Variants in CCDC194 observed in about 807,000 individuals in gnomAD.
CCDC194 encodes the protein coiled-coil domain containing 194.
Under a neutral mutation model 4.9 loss-of-function variants are expected in CCDC194, and 8 were observed. The ratio of observed to expected loss-of-function variants is 1.65; its 90% confidence interval spans 0.97 to 2.97. The LOEUF (loss-of-function observed/expected upper bound fraction) is 2.97, where lower values mean the gene tolerates loss of function less well. CCDC194 is among the 30% of genes most tolerant of loss of function. CCDC194 has a pLI of 0.00. For missense variants in CCDC194, 52 were observed against 43.1 expected, an observed-to-expected ratio of 1.21 and a Z score of -0.58; for synonymous variants, 13 against 17.0, an observed-to-expected ratio of 0.76 and a Z score of 0.58.
chr19:17,390,467 T>A (rs2074649920), downstream of CCDC194: 1 of 389,776 alleles, frequency 2.6e-6, no homozygotes, highest in Admixed American at 4.5e-5. The surrounding 1 kb of genome is among the most constrained non-coding windows in gnomAD (Gnocchi z 5.5). Flanking sequence ...CCCCCCCATA[T>A]GTGTCCTCCA....
intron 1 of CCDC194, among the ~76,000 whole-genome samples, chr19:17,392,624 G>A (rs538224108): frequency 6.6e-6 from 1 of 152,338 alleles, no homozygotes; most frequent in East Asian, 1.9e-4. Context: ...CAGCAAGGGG[G>A]CAGAGCCAGA....
rs2074650215 is a variant in CCDC194, at chr19:17,390,530, C to A, written c.684G>T (p.Pro228=). ...CGACTCACCCTCGTGCGCGCCGCGCCGGCCGCCGGCAGCCCCCGGAGGGTC... is the reference window on the plus strand; with the variant it reads ...CGACTCACCCTCGTGCGCGCCGCGCAGGCCGCCGGCAGCCCCCGGAGGGTC... Residue 228 remains proline, a synonymous_variant, in exon 4 of 4, where the codon CCG becomes CCT. Transcript: ENST00000636079. The surrounding 1 kb of genome is among the most constrained non-coding windows in gnomAD (Gnocchi z 5.5). 1 of 394,654 alleles carries A rather than the reference C, an allele frequency of 2.5e-6. No homozygotes were observed. Among genetic ancestry groups the A allele is most frequent in the Non-Finnish European group, 4.5e-6 (1 of 223,438 alleles). 24.4% of individuals were successfully genotyped at this position (394,654 alleles called of 1,614,324 possible). A position where few individuals can be genotyped will look rare whatever the true frequency, so the allele number is the denominator to read the frequency against.
chr19:17,392,550 T>A (rs2074658758), intron 1 of CCDC194, among the ~76,000 whole-genome samples: 5 of 152,192 alleles, frequency 3.3e-5, no homozygotes, highest in Admixed American at 3.3e-4. Flanking sequence ...TTTTGGGGTA[T>A]GTGTCGGTTG....
chr19:17,391,602 G>A, intron 2 of CCDC194, 148 bp downstream of exon 2: 1 of 1,516,022 alleles, frequency 6.6e-7, no homozygotes, highest in Non-Finnish European at 8.8e-7. Context: ...CATGGCCTCT[G>A]CATGTTGTTT....
intron 3 of CCDC194, 110 bp downstream of exon 3, chr19:17,391,101 C>G (rs949378931): frequency 1.8e-5 from 6 of 340,384 alleles, no homozygotes; most frequent in Non-Finnish European, 2.6e-5. Context: ...CCCCCCACCA[C>G]AATTCCACGC....
downstream of CCDC194, among the ~76,000 whole-genome samples, chr19:17,389,335 C>G (rs181621410): frequency 6.6e-6 from 1 of 152,130 alleles, no homozygotes; most frequent in African/African-American, 2.4e-5. Context: ...AACAAGAAAA[C>G]CCACTAATAC....
intron 1 of CCDC194, among the ~76,000 whole-genome samples, chr19:17,393,544 A>G (rs1362543206): frequency 6.6e-6 from 1 of 151,948 alleles, no homozygotes; most frequent in African/African-American, 2.4e-5. Context: ...GTTCACCATC[A>G]CGCCAGGCTA....
At chr19:17,391,263 C>T (rs1296254417) in exon 3 of CCDC194, 2 of 409,414 alleles carry the variant, frequency 4.9e-6, no homozygotes, top group Non-Finnish European at 8.6e-6. Flanking sequence ...CCCTCGGCCT[C>T]CGCCACGCCT....
chr19:17,392,569 G>A (rs1223869425), intron 1 of CCDC194, among the ~76,000 whole-genome samples: 1 of 152,202 alleles, frequency 6.6e-6, no homozygotes, highest in East Asian at 1.9e-4. Flanking sequence ...TGCCTGTGTA[G>A]GACATTCTGC....
intron 2 of CCDC194, 72 bp downstream of exon 2, chr19:17,391,678 G>T: frequency 6.5e-7 from 1 of 1,535,340 alleles, no homozygotes; most frequent in South Asian, 1.2e-5. Flanking sequence ...AACTGTGCTT[G>T]TTTGGATAAC....
chr19:17,393,580 G>C (rs1300334133), intron 1 of CCDC194, among the ~76,000 whole-genome samples: 1 of 151,862 alleles, frequency 6.6e-6, no homozygotes, highest in East Asian at 1.9e-4. Flanking sequence ...GTAGAGACAG[G>C]GTTTCACCAT....
At chr19:17,388,704 T>C (rs912166444), downstream of CCDC194, among the ~76,000 whole-genome samples, 1 of 152,114 alleles carries the variant, frequency 6.6e-6, no homozygotes, top group Admixed American at 6.6e-5. Flanking sequence ...GGTCTCCCTA[T>C]GTTGCCCAGA....
At chr19:17,387,493 G>A (rs115180002), downstream of CCDC194, among the ~76,000 whole-genome samples, 383 of 152,216 alleles carry the variant, frequency 2.5e-3, 2 homozygotes, top group African/African-American at 8.8e-3. Context: ...CAAGGAGGGT[G>A]GATCACCCGA....
At chr19:17,387,583 G>T (rs116348351), downstream of CCDC194, among the ~76,000 whole-genome samples, 13 of 152,212 alleles carry the variant, frequency 8.5e-5, no homozygotes, top group African/African-American at 3.1e-4. Context: ...AGCTGAGTCT[G>T]GTGATGGGCG....
chr19:17,392,511 G>A (rs899820686), intron 1 of CCDC194, among the ~76,000 whole-genome samples: 1 of 152,054 alleles, frequency 6.6e-6, no homozygotes, highest in African/African-American at 2.4e-5. Context: ...ACCAACACAG[G>A]GCAATTTGAT....
chr19:17,392,342 G>C (rs899853281), intron 1 of CCDC194: 9 of 152,258 alleles, frequency 5.9e-5, no homozygotes, highest in African/African-American at 2.2e-4. Context: ...AGTGTGTGGT[G>C]GTGGGCGCCT....
chr19:17,387,716 C>T (rs2074640638), downstream of CCDC194, among the ~76,000 whole-genome samples: 1 of 151,386 alleles, frequency 6.6e-6, no homozygotes, highest in African/African-American at 2.4e-5. Flanking sequence ...AAGACTCTAT[C>T]TCAAAAAGAA....
chr19:17,393,879 G>A (rs2074664216), exon 1 of CCDC194: 1 of 397,738 alleles, frequency 2.5e-6, no homozygotes. Flanking sequence ...AACTCGTGCC[G>A]GATACTTTCC....
chr19:17,389,566 A>G (rs1373743157), downstream of CCDC194, among the ~76,000 whole-genome samples: 1 of 152,130 alleles, frequency 6.6e-6, no homozygotes, highest in Non-Finnish European at 1.5e-5. Flanking sequence ...TTTCCCCCAC[A>G]ATTTATACAT....
Sources: gnomAD v4.1 joint callset for allele counts (sites outside exome capture counted in the v4.1 genomes callset) on GRCh38, gnomAD v4.1.1 for gene constraint, Gnocchi (gnomAD v3.1) non-coding constraint, MANE v1.5 for transcripts, NCBI Gene and HGNC (gene_info 2026-07-23, HGNC 2026-07-21) for gene names.